The following SPOCK1 variants were observed in gnomAD, a reference collection of about 807,000 sequenced individuals.
SPOCK1 encodes the protein SPARC (osteonectin), cwcv and kazal like domains proteoglycan 1.
In SPOCK1, 23 loss-of-function variants were observed where a neutral mutation model predicts 55.3. The observed-to-expected ratio is 0.42, with a 90% CI of 0.30 to 0.59. SPOCK1 has a LOEUF of 0.59. Ranked by LOEUF, SPOCK1 falls within the 20% of genes least tolerant of loss-of-function variation. SPOCK1 has a pLI of 0.22. For missense variants in SPOCK1, 499 were observed against 552.5 expected, an observed-to-expected ratio of 0.90 and a Z score of 0.97; for synonymous variants, 226 against 221.0, an observed-to-expected ratio of 1.02 and a Z score of -0.20.
intron 3 of SPOCK1, among the ~76,000 whole-genome samples, chr5:137,222,920 G>C (rs1268822399): frequency 6.6e-6 from 1 of 151,998 alleles, no homozygotes; most frequent in East Asian, 1.9e-4. Context: ...CAGATACACA[G>C]TATATTGGTG....
In SPOCK1 at chr5:137,337,384, T is replaced by C. The variant is rs74424172; in HGVS notation, c.187-70329A>G. On this transcript the variant is annotated intron_variant, in intron 2 of 10. Transcript: ENST00000394945. ...TGACCAAAACACATTTCCACTGGAG[T>C]TCCTTAAACACATACTTCCTATGCG... is the stretch of plus-strand genomic sequence containing the variant. Among the ~76,000 whole-genome samples the C allele has an allele frequency of 5.7e-3, 861 of 152,176 alleles. 11 individuals carry two copies. Among genetic ancestry groups the C allele is most frequent in the African/African-American group, 0.02 (828 of 41,502 alleles).
intron 2 of SPOCK1, among the ~76,000 whole-genome samples, chr5:137,475,145 T>C (rs1303259122): frequency 6.6e-6 from 1 of 152,156 alleles, no homozygotes; most frequent in Non-Finnish European, 1.5e-5. Context: ...GGAAGTATAA[T>C]ACAGACCATC....
chr5:137,012,939 T>C (rs763210514), intron 6 of SPOCK1, among the ~76,000 whole-genome samples: 67 of 152,296 alleles, frequency 4.4e-4, no homozygotes, highest in South Asian at 1.2e-3. Context: ...TATTATGACA[T>C]GGAAAATGTT....
At chr5:137,323,845 G>A (rs932205812) in intron 2 of SPOCK1, among the ~76,000 whole-genome samples, 6 of 152,136 alleles carry the variant, frequency 3.9e-5, no homozygotes, top group African/African-American at 1.2e-4. Flanking sequence ...GCAAGGGTGT[G>A]GGGCAAAGGA....
chr5:137,055,291 C>A (rs1752279088), intron 6 of SPOCK1, among the ~76,000 whole-genome samples: 1 of 152,168 alleles, frequency 6.6e-6, no homozygotes, highest in Admixed American at 6.5e-5. Flanking sequence ...TGCCAGCTGG[C>A]TGGATGGACA....
chr5:137,394,088 A>G (rs1233347389), intron 2 of SPOCK1, among the ~76,000 whole-genome samples: 8 of 152,230 alleles, frequency 5.3e-5, no homozygotes, highest in Non-Finnish European at 2.9e-5. Context: ...GCCAAACCCC[A>G]GGCAATGCTT....
At chr5:137,283,912 G>C (rs1757218354) in intron 2 of SPOCK1, among the ~76,000 whole-genome samples, 2 of 152,178 alleles carry the variant, frequency 1.3e-5, no homozygotes, top group Non-Finnish European at 2.9e-5. Flanking sequence ...GGAGGTAATG[G>C]TACCTTGCCA....
At chr5:137,298,726 TTTATTC>T (rs1354247210) in intron 2 of SPOCK1, among the ~76,000 whole-genome samples, 1 of 152,176 alleles carries the variant, frequency 6.6e-6, no homozygotes, top group Non-Finnish European at 1.5e-5. Flanking sequence ...AACTGACTCT[TTTATTC>T]TTATGAAGTA....
At chr5:137,400,507 C>T (rs1162614408) in intron 2 of SPOCK1, among the ~76,000 whole-genome samples, 2 of 152,182 alleles carry the variant, frequency 1.3e-5, no homozygotes, top group Non-Finnish European at 2.9e-5. Context: ...GTTCACCCCA[C>T]CCAGTCAGCA....
rs1752748809 is a variant in SPOCK1, at chr5:137,431,718, T to G, written c.186+66655A>C. Among the ~76,000 whole-genome samples, 3 of 152,222 alleles carry G rather than the reference T, an allele frequency of 2.0e-5. No individual in the cohort carries two copies. The South Asian group carries it at 6.2e-4, about 32-fold the overall frequency. On this transcript the variant is annotated intron_variant, in intron 2 of 10. Transcript: ENST00000394945. ...GATAGTTACAAAGCCAGGATGTCCC[T>G]TGTGTTTTGTCTCTTTGCATGTGTC...
chr5:137,079,531 A>AT (rs1459211152), intron 5 of SPOCK1, among the ~76,000 whole-genome samples: 1 of 30,230 alleles, frequency 3.3e-5, no homozygotes, highest in African/African-American at 7.2e-5. Flanking sequence ...ATCCCATCTG[A>AT]TTCCCCCCCC....
intron 2 of SPOCK1, among the ~76,000 whole-genome samples, chr5:137,383,114 T>C (rs1022818148): frequency 4.6e-5 from 7 of 152,188 alleles, no homozygotes; most frequent in Non-Finnish European, 1.5e-5. Flanking sequence ...CACTGTCATT[T>C]ACTGTGAGTC....
At chr5:137,425,038 A>G (rs1053100433) in intron 2 of SPOCK1, among the ~76,000 whole-genome samples, 4 of 152,258 alleles carry the variant, frequency 2.6e-5, no homozygotes, top group African/African-American at 9.6e-5. Flanking sequence ...TTCCCATTCT[A>G]GAACTTTACC....
At chr5:137,427,884 G>A (rs1008622216) in intron 2 of SPOCK1, among the ~76,000 whole-genome samples, 1 of 150,330 alleles carries the variant, frequency 6.7e-6, no homozygotes, top group African/African-American at 2.5e-5. Flanking sequence ...ACTCCAGCCT[G>A]GGTGACAGAG....
At chr5:137,083,842 G>A (rs1224976996) in intron 5 of SPOCK1, among the ~76,000 whole-genome samples, 3 of 151,850 alleles carry the variant, frequency 2.0e-5, no homozygotes, top group African/African-American at 7.3e-5. Flanking sequence ...CCTCCAGTGT[G>A]ACAGGAGTGA....
chr5:137,261,581 T>C (rs918225617), intron 3 of SPOCK1, among the ~76,000 whole-genome samples: 14 of 152,210 alleles, frequency 9.2e-5, no homozygotes, highest in African/African-American at 2.9e-4. Flanking sequence ...TTGAGTTTTA[T>C]TTTTATCTGG....
intron 3 of SPOCK1, among the ~76,000 whole-genome samples, chr5:137,143,593 T>C (rs1185272774): frequency 6.6e-6 from 1 of 152,196 alleles, no homozygotes; most frequent in African/African-American, 2.4e-5. Flanking sequence ...GTCATGAACA[T>C]TTAATGAGTT....
At chr5:137,001,000 C>T (rs754962450) in intron 6 of SPOCK1, among the ~76,000 whole-genome samples, 13 of 152,158 alleles carry the variant, frequency 8.5e-5, no homozygotes, top group Non-Finnish European at 1.0e-4. Flanking sequence ...GAAACTCCGT[C>T]TCAAAAAATA....
At chr5:137,289,026 C>G (rs572853634) in intron 2 of SPOCK1, among the ~76,000 whole-genome samples, 12 of 152,344 alleles carry the variant, frequency 7.9e-5, no homozygotes, top group African/African-American at 2.6e-4. Context: ...TGGGGTCCAA[C>G]AGAACCCAGC....
Sources: gnomAD v4.1 joint callset for allele counts (sites outside exome capture counted in the v4.1 genomes callset) on GRCh38, gnomAD v4.1.1 for gene constraint, MANE v1.5 for transcripts, NCBI Gene and HGNC (gene_info 2026-07-23, HGNC 2026-07-21) for gene names.